Variants in TMEM132D observed in about 807,000 individuals in gnomAD.
TMEM132D encodes mature OL transmembrane protein.
TMEM132D carries 21 observed loss-of-function variants against 62.3 expected under a neutral mutation model. That is an observed-to-expected ratio of 0.34 (90% CI 0.24 to 0.49). The LOEUF is 0.49. TMEM132D is among the 20% of genes least tolerant of loss of function. The probability of loss-of-function intolerance (pLI) is 0.99; values close to 1 mark genes in which losing one functional copy is unlikely to be tolerated. For missense variants in TMEM132D, 1,346 were observed against 1,402.8 expected (o/e 0.96, Z 0.65); for synonymous variants, 621 against 575.6 (o/e 1.08, Z -1.13).
intron 2 of TMEM132D, among the ~76,000 whole-genome samples, chr12:129,580,735 A>AATCAATC (rs374127717): frequency 0.025 from 3,839 of 151,260 alleles, 169 homozygotes; most frequent in African/African-American, 0.087. Flanking sequence ...AAATAAAAAT[A>AATCAATC]AATAAATAAA....
In TMEM132D at chr12:129,495,557, C is replaced by T. The variant is rs1388902; in HGVS notation, c.1115+35502G>A. On this transcript the variant is annotated intron_variant, in intron 3 of 8. Transcript: ENST00000422113. ...TAAAAGCATGAGCTAGACAAGGCCACGCCCACCAGCAGGTACAGAGAGGTG... is the reference window on the plus strand; with the variant it reads ...TAAAAGCATGAGCTAGACAAGGCCATGCCCACCAGCAGGTACAGAGAGGTG... Among the ~76,000 whole-genome samples, 1,375 of 152,260 alleles carry T rather than the reference C, an allele frequency of 9.0e-3. 18 individuals are homozygous for T. Among genetic ancestry groups the T allele is most frequent in the African/African-American group, 0.031 (1,280 of 41,554 alleles).
At chr12:129,797,047 C>CTCTTCTCAACGCTATGCTCTTCATCTT (rs1871584620) in intron 1 of TMEM132D, among the ~76,000 whole-genome samples, 1 of 152,144 alleles carries the variant, frequency 6.6e-6, no homozygotes, top group Non-Finnish European at 1.5e-5. Flanking sequence ...CAAACTGTAC[C>CTCTTCTCAACGCTATGCTCTTCATCTT]TCTTCTCAAC....
chr12:129,272,809 C>T (rs1880890353), intron 4 of TMEM132D, among the ~76,000 whole-genome samples: 1 of 151,684 alleles, frequency 6.6e-6, no homozygotes, highest in African/African-American at 2.4e-5. Context: ...GCCTGTAATC[C>T]CAGCACTTTG....
At chr12:129,629,334 A>T (rs529344921) in intron 2 of TMEM132D, among the ~76,000 whole-genome samples, 1 of 152,330 alleles carries the variant, frequency 6.6e-6, no homozygotes, top group African/African-American at 2.4e-5. Flanking sequence ...TTATAATCTT[A>T]TCTTCAAGAT....
chr12:129,703,621 G>A (rs1881435465), intron 1 of TMEM132D, among the ~76,000 whole-genome samples: 1 of 152,026 alleles, frequency 6.6e-6, no homozygotes. Flanking sequence ...TTAGCAAAGT[G>A]TTAAATTACA....
intron 1 of TMEM132D, among the ~76,000 whole-genome samples, chr12:129,777,241 G>A (rs1248431826): frequency 6.6e-6 from 1 of 152,194 alleles, no homozygotes; most frequent in South Asian, 2.1e-4. Context: ...GAGGTGCCGA[G>A]AATTAGGGCA....
intron 5 of TMEM132D, among the ~76,000 whole-genome samples, chr12:129,199,322 G>C (rs557144442): frequency 6.6e-6 from 1 of 151,990 alleles, no homozygotes; most frequent in East Asian, 1.9e-4. Context: ...GGCTGGTCTC[G>C]AACTCCTGAG....
intron 3 of TMEM132D, among the ~76,000 whole-genome samples, chr12:129,420,585 C>T (rs1262073765): frequency 6.6e-6 from 1 of 152,110 alleles, no homozygotes; most frequent in Non-Finnish European, 1.5e-5. Flanking sequence ...TGGTTGTGTG[C>T]TTCTCAAGAA....
chr12:129,892,829 C>T (rs1025560864), intron 1 of TMEM132D, among the ~76,000 whole-genome samples: 3 of 152,056 alleles, frequency 2.0e-5, no homozygotes, highest in African/African-American at 7.2e-5. Flanking sequence ...GACACACTCA[C>T]GAAGTGGCCT....
chr12:129,395,904 CTA>C (rs1871413683), intron 3 of TMEM132D, among the ~76,000 whole-genome samples: 1 of 137,114 alleles, frequency 7.3e-6, no homozygotes, highest in South Asian at 2.4e-4. Flanking sequence ...TTATAATATA[CTA>C]TATAATACAT....
At chr12:129,135,581 G>T (rs1876533981) in intron 5 of TMEM132D, among the ~76,000 whole-genome samples, 2 of 152,210 alleles carry the variant, frequency 1.3e-5, no homozygotes, top group South Asian at 4.1e-4. Context: ...TTATAGATTA[G>T]TAAATTGTGT....
intron 5 of TMEM132D, among the ~76,000 whole-genome samples, chr12:129,203,844 T>C (rs533436997): frequency 6.6e-6 from 1 of 152,316 alleles, no homozygotes; most frequent in African/African-American, 2.4e-5. Context: ...CAATTGTGGC[T>C]CCTGCCTGAG....
intron 5 of TMEM132D, among the ~76,000 whole-genome samples, chr12:129,162,578 TAG>T (rs1411978492): frequency 2.0e-5 from 3 of 152,082 alleles, no homozygotes; most frequent in Admixed American, 2.0e-4. Context: ...TGGGAGGTAT[TAG>T]ATCATGGGGT....
rs372050876 is a variant in TMEM132D at position 129,621,164 on chromosome 12, A to G, written c.968+78646T>C. 2.0e-3 allele frequency among the ~76,000 whole-genome samples: 309 copies of G among 152,024 alleles called. 10 individuals carry two copies. The South Asian group carries it at 0.063, about 31-fold the overall frequency. Reference sequence around the variant, plus strand: ...CCCATATCCTTCCTCATCTCAGAACAAACACTGTACTTTCTAGAAGGCACC... The same window carrying G: ...CCCATATCCTTCCTCATCTCAGAACGAACACTGTACTTTCTAGAAGGCACC... On this transcript the variant is annotated intron_variant, in intron 2 of 8. Transcript: ENST00000422113.
intron 3 of TMEM132D, among the ~76,000 whole-genome samples, chr12:129,437,453 G>A (rs1872816575): frequency 6.6e-6 from 1 of 152,202 alleles, no homozygotes; most frequent in Non-Finnish European, 1.5e-5. Flanking sequence ...TAGAGGTTAA[G>A]TATGAATGAA....
At chr12:129,208,189 G>A (rs1402855754) in intron 5 of TMEM132D, among the ~76,000 whole-genome samples, 1 of 152,168 alleles carries the variant, frequency 6.6e-6, no homozygotes, top group Non-Finnish European at 1.5e-5. Context: ...TTGTGTCTGG[G>A]ATTGGGGTGG....
chr12:129,628,416 G>A (rs1353813719), intron 2 of TMEM132D, among the ~76,000 whole-genome samples: 4 of 152,258 alleles, frequency 2.6e-5, no homozygotes, highest in Non-Finnish European at 5.9e-5. Context: ...CACCTGGGAT[G>A]TCTCGGCAGG....
chr12:129,292,184 C>T (rs1018761146), intron 4 of TMEM132D, among the ~76,000 whole-genome samples: 14 of 152,312 alleles, frequency 9.2e-5, no homozygotes, highest in African/African-American at 3.1e-4. Context: ...AAAATAAATT[C>T]ATCCACATCA....
At chr12:129,349,146 T>C (rs573078281) in intron 3 of TMEM132D, among the ~76,000 whole-genome samples, 5 of 152,350 alleles carry the variant, frequency 3.3e-5, no homozygotes, top group African/African-American at 1.2e-4. Flanking sequence ...TAGTATCTTT[T>C]TGAAATTATA....
Sources: gnomAD v4.1 joint callset for allele counts (sites outside exome capture counted in the v4.1 genomes callset) on GRCh38, gnomAD v4.1.1 for gene constraint, MANE v1.5 for transcripts, NCBI Gene and HGNC (gene_info 2026-07-23, HGNC 2026-07-21) for gene names.